Variants in NHEJ1 observed in about 807,000 individuals in gnomAD.
NHEJ1 encodes the protein non-homologous end-joining factor 1.
NHEJ1 carries 22 observed loss-of-function variants against 39.4 expected under a neutral mutation model. The ratio of observed to expected loss-of-function variants is 0.56; its 90% CI spans 0.40 to 0.80. NHEJ1 has a LOEUF of 0.80. Ranked by LOEUF, NHEJ1 falls within the 30% of genes least tolerant of loss-of-function variation. NHEJ1 has a pLI of 0.00. For missense variants in NHEJ1, 329 were observed against 357.1 expected (o/e 0.92, Z 0.63); for synonymous variants, 154 against 135.6 (o/e 1.14, Z -0.94).
chr2:219,117,224 T>A (rs931319360), intron 5 of NHEJ1, among the ~76,000 whole-genome samples: 2 of 152,106 alleles, frequency 1.3e-5, no homozygotes, highest in African/African-American at 4.8e-5. Flanking sequence ...GTAACCCTTC[T>A]CCACCCCTTC....
intron 5 of NHEJ1, among the ~76,000 whole-genome samples, chr2:219,124,375 A>G (rs1399311876): frequency 6.6e-6 from 1 of 152,138 alleles, no homozygotes; most frequent in Non-Finnish European, 1.5e-5. Flanking sequence ...ACCATCCAGC[A>G]TATCTGACCG....
intron 5 of NHEJ1, among the ~76,000 whole-genome samples, chr2:219,117,534 C>T (rs1559195079): frequency 2.0e-5 from 3 of 152,184 alleles, no homozygotes; most frequent in South Asian, 2.1e-4. Context: ...GTTGGGGAAA[C>T]GCACAAGTAA....
At chr2:219,123,067 C>A (rs903831602) in intron 5 of NHEJ1, among the ~76,000 whole-genome samples, 6 of 152,110 alleles carry the variant, frequency 3.9e-5, no homozygotes, top group African/African-American at 1.4e-4. Context: ...AATTCTCAAG[C>A]TTTGGAGAAG....
At chr2:219,142,490 T>C (rs1034279740) in intron 5 of NHEJ1, among the ~76,000 whole-genome samples, 2 of 152,174 alleles carry the variant, frequency 1.3e-5, no homozygotes, top group East Asian at 1.9e-4. Flanking sequence ...GGCCTTGGAA[T>C]GCCAGCCTTA....
At chr2:219,155,785 C>T (rs932523222) in intron 3 of NHEJ1, among the ~76,000 whole-genome samples, 3 of 150,432 alleles carry the variant, frequency 2.0e-5, no homozygotes, top group Non-Finnish European at 4.4e-5. Flanking sequence ...ATTAGCCGGG[C>T]GTGGTGGTGT....
Position 219,072,745 on chromosome 2 carries a change from A to G in NHEJ1, c.*3636T>C, listed in dbSNP as rs1559183625. Among the ~76,000 whole-genome samples the G allele has an allele frequency of 2.0e-5, 3 of 150,800 alleles. No individual in the cohort carries two copies. Among genetic ancestry groups the G allele is most frequent in the African/African-American group, 7.5e-5 (3 of 40,134 alleles). ...GACAAAGTGAGCTTACCATATCATG[A>G]GGAAGGGCTATTAAGAGAATTTAGG... On this transcript the variant is annotated 3_prime_UTR_variant, in exon 8 of 8. Transcript: ENST00000356853.
intron 5 of NHEJ1, among the ~76,000 whole-genome samples, chr2:219,088,713 G>A (rs375755024): frequency 2.8e-4 from 43 of 152,206 alleles, no homozygotes; most frequent in Middle Eastern, 3.4e-3. Context: ...TCTTGATTTG[G>A]GTGCTGGTTA....
rs532056873 is a variant in NHEJ1, at chr2:219,097,351, G to A, written c.589-19145C>T. On this transcript the variant is annotated intron_variant, in intron 5 of 7. Transcript: ENST00000356853. ...TGGTGGCTCAGACCAAGGTATTAGAGCAGAGGCAGATTCTGTATTTATTTT... is the reference window on the plus strand; with the variant it reads ...TGGTGGCTCAGACCAAGGTATTAGAACAGAGGCAGATTCTGTATTTATTTT... Among the ~76,000 whole-genome samples, 9 of 152,222 alleles carry A rather than the reference G, an allele frequency of 5.9e-5. No individual in the cohort carries two copies. In the East Asian group the frequency reaches 1.2e-3, roughly 20 times the overall value.
intron 3 of NHEJ1, among the ~76,000 whole-genome samples, chr2:219,157,227 C>T (rs1213436766): frequency 6.6e-6 from 1 of 152,116 alleles, no homozygotes; most frequent in Non-Finnish European, 1.5e-5. Context: ...ACAATTAGCC[C>T]ATTGTAGATG....
chr2:219,152,966 C>T (rs111364126), intron 3 of NHEJ1, among the ~76,000 whole-genome samples: 4 of 151,902 alleles, frequency 2.6e-5, no homozygotes, highest in African/African-American at 9.7e-5. Flanking sequence ...CCATGCCCGG[C>T]TAATTTTTGT....
chr2:219,114,133 G>A (rs559947501), intron 5 of NHEJ1, among the ~76,000 whole-genome samples: 1 of 152,268 alleles, frequency 6.6e-6, no homozygotes, highest in South Asian at 2.1e-4. Context: ...AGCCCACAAG[G>A]GGACAAACAA....
At chr2:219,092,647 C>T (rs774501152) in intron 5 of NHEJ1, among the ~76,000 whole-genome samples, 11 of 152,296 alleles carry the variant, frequency 7.2e-5, no homozygotes, top group South Asian at 4.1e-4. Flanking sequence ...ATTCCATTCA[C>T]GAAACCCTGA....
chr2:219,095,320 T>C (rs1641548030), intron 5 of NHEJ1: 1 of 470,972 alleles, frequency 2.1e-6, no homozygotes. Context: ...TAGGCCAATA[T>C]GCCGGGTCTC....
intron 3 of NHEJ1, among the ~76,000 whole-genome samples, chr2:219,151,943 G>T (rs1232132206): frequency 6.6e-6 from 1 of 152,102 alleles, no homozygotes; most frequent in Non-Finnish European, 1.5e-5. Flanking sequence ...ACTCCAGCCT[G>T]GGTGACAGAG....
intron 5 of NHEJ1, among the ~76,000 whole-genome samples, chr2:219,133,855 A>C (rs1217984232): frequency 6.6e-6 from 1 of 152,206 alleles, no homozygotes; most frequent in African/African-American, 2.4e-5. Context: ...ATCCCACAGA[A>C]AGAACTAATC....
rs1574693895 is a variant in NHEJ1 at position 219,070,473 on chromosome 2, T to C, written c.*5908A>G. Among the ~76,000 whole-genome samples the C allele has an allele frequency of 6.6e-6, 1 of 152,224 alleles. No individual in the cohort carries two copies. Among genetic ancestry groups the C allele is most frequent in the East Asian group, 1.9e-4 (1 of 5,188 alleles). ...TCCCAAAGTGCTGGGATTACAGGCGTGAGCCACTGCGCCTGGCCCACCACG... is the reference window on the plus strand; with the variant it reads ...TCCCAAAGTGCTGGGATTACAGGCGCGAGCCACTGCGCCTGGCCCACCACG... On this transcript the variant is annotated 3_prime_UTR_variant, in exon 8 of 8. Coordinates refer to ENST00000356853, the MANE Select transcript of NHEJ1 (RefSeq NM_024782.3).
At position 219,090,712 on chromosome 2, in the gene NHEJ1, C is replaced by T. The variant is rs143322811; in HGVS notation, c.589-12506G>A. On this transcript the variant is annotated intron_variant, in intron 5 of 7. Coordinates refer to ENST00000356853, the MANE Select transcript of NHEJ1 (RefSeq NM_024782.3). ...TGGGGACAGCAGTTAACAGACTAAC[C>T]GTGAATCAACAGTAGGCCCTTCTTT... 3.2e-4 allele frequency among the ~76,000 whole-genome samples: 48 copies of T among 152,250 alleles called. No homozygotes were observed. In the East Asian group the frequency reaches 7.0e-3, roughly 22 times the overall value.
chr2:219,147,739 T>C lies in NHEJ1; in HGVS notation c.447A>G (p.Gln149=). The C allele has an allele frequency of 6.2e-7, 1 of 1,614,174 alleles. No homozygotes were observed. The highest frequency in any genetic ancestry group is 1.1e-5 in the South Asian group (1 of 91,086). ...GAAGTAACGTTGCTAGCTCCCTCAC[T>C]TGGCACTGTAATGCCAGACTCATGC... ...LMGMSLALQC[Q]VRELATLLHM... Residue 149 remains glutamine, a synonymous_variant, in exon 4 of 8, where the codon CAA becomes CAG. Coordinates refer to ENST00000356853, the MANE Select transcript of NHEJ1 (RefSeq NM_024782.3).
rs1416722986 is a variant in NHEJ1 at position 219,072,203 on chromosome 2, G to A, written c.*4178C>T. 6.6e-6 allele frequency among the ~76,000 whole-genome samples: 1 copy of A among 152,158 alleles called. No homozygotes were observed. The highest frequency in any genetic ancestry group is 1.5e-5 in the Non-Finnish European group (1 of 68,032). On this transcript the variant is annotated 3_prime_UTR_variant, in exon 8 of 8. Transcript: ENST00000356853. ...GCCAAGAACACAAGGAAAAAACATAGAGCAATGAGCTGCCCTGGACAAGAG... is the reference window on the plus strand; with the variant it reads ...GCCAAGAACACAAGGAAAAAACATAAAGCAATGAGCTGCCCTGGACAAGAG...
Sources: gnomAD v4.1 joint callset for allele counts (sites outside exome capture counted in the v4.1 genomes callset) on GRCh38, gnomAD v4.1.1 for gene constraint, MANE v1.5 for transcripts, NCBI Gene and HGNC (gene_info 2026-07-23, HGNC 2026-07-21) for gene names.